The following ADK variants were observed in gnomAD, a reference collection of about 807,000 sequenced individuals.
ADK encodes adenosine kinase.
Under a neutral mutation model 44.7 loss-of-function variants are expected in ADK, and 24 were observed. That is an observed-to-expected ratio of 0.54 (90% CI 0.39 to 0.76). ADK has a LOEUF of 0.76. Among genes scored for constraint, ADK ranks in the 30% least tolerant of loss-of-function variants. ADK has a pLI of 0.00. For synonymous variants in ADK, 128 were observed against 142.6 expected (o/e 0.90, Z 0.73); for missense variants, 321 against 425.1 (o/e 0.76, Z 2.15).
chr10:74,552,296 T>C (rs1307532666), intron 7 of ADK, among the ~76,000 whole-genome samples: 1 of 151,996 alleles, frequency 6.6e-6, no homozygotes, highest in East Asian at 1.9e-4. Flanking sequence ...AAAAAAAAAA[T>C]GTTTTCATAA....
At chr10:74,635,653 A>T (rs1486200059) in intron 9 of ADK, among the ~76,000 whole-genome samples, 1 of 152,162 alleles carries the variant, frequency 6.6e-6, no homozygotes, top group African/African-American at 2.4e-5. Context: ...CTTGTTGGCT[A>T]CATTAAGGTA....
intron 4 of ADK, among the ~76,000 whole-genome samples, chr10:74,380,662 G>A (rs924966003): frequency 3.9e-5 from 6 of 152,068 alleles, no homozygotes; most frequent in Non-Finnish European, 8.8e-5. Context: ...GGAGGCTGAG[G>A]CAGGACAATC....
chr10:74,489,430 G>A (rs368382941), intron 6 of ADK, among the ~76,000 whole-genome samples: 11 of 152,040 alleles, frequency 7.2e-5, no homozygotes, highest in African/African-American at 2.6e-4. Context: ...ACAGCTCAAT[G>A]ACTTGAACAA....
chr10:74,605,935 A>G (rs775489652), intron 9 of ADK, among the ~76,000 whole-genome samples: 37 of 152,164 alleles, frequency 2.4e-4, no homozygotes, highest in Non-Finnish European at 8.8e-5. Context: ...TTATTGGTCT[A>G]TTTAGGGATT....
chr10:74,423,604 C>T, intron 6 of ADK: 1 of 297,028 alleles, frequency 3.4e-6, no homozygotes, highest in Non-Finnish European at 6.7e-6. Context: ...CCATAGTCAA[C>T]TGTCGTCGTC....
chr10:74,526,870 G>T (rs575686851), intron 7 of ADK, among the ~76,000 whole-genome samples: 2 of 152,316 alleles, frequency 1.3e-5, no homozygotes, highest in East Asian at 3.9e-4. Flanking sequence ...AAGGGTAAAA[G>T]AAGTAAATGG....
At chr10:74,665,396 A>G (rs4746216) in intron 9 of ADK, among the ~76,000 whole-genome samples, 35,418 of 151,908 alleles carry the variant, frequency 0.23, 5,278 homozygotes, top group East Asian at 0.69. Flanking sequence ...ATGCCTATTG[A>G]TGCTGGGTCA....
At chr10:74,670,979 A>G (rs1168407519) in intron 10 of ADK, among the ~76,000 whole-genome samples, 37 of 139,516 alleles carry the variant, frequency 2.7e-4, no homozygotes, top group Admixed American at 2.6e-3. Context: ...AGATACCCCA[A>G]AGGGGTCTTT....
At chr10:74,527,084 G>A (rs528439459) in intron 7 of ADK, among the ~76,000 whole-genome samples, 1 of 152,286 alleles carries the variant, frequency 6.6e-6, no homozygotes, top group East Asian at 1.9e-4. Context: ...CAAAGAGGCC[G>A]GGCACGGTGG....
intron 6 of ADK, among the ~76,000 whole-genome samples, chr10:74,482,534 C>T (rs570812954): frequency 5.9e-5 from 9 of 152,292 alleles, no homozygotes; most frequent in African/African-American, 2.2e-4. Context: ...AGAATCATCC[C>T]TTCCCAACAG....
chr10:74,628,319 C>A (rs551736424), intron 9 of ADK, among the ~76,000 whole-genome samples: 1 of 152,120 alleles, frequency 6.6e-6, no homozygotes, highest in African/African-American at 2.4e-5. Flanking sequence ...ATGCCAGTCA[C>A]GATTCTTGGA....
rs192201023 is a variant in ADK, at chr10:74,303,360, C to T, written c.195-11307C>T. On this transcript the variant is annotated intron_variant, in intron 3 of 10. Coordinates refer to ENST00000539909, the MANE Select transcript of ADK (RefSeq NM_006721.4). ...ATAGTTCCCCCATTTAAGAAAGAAA[C>T]CTGTTTCTATTCAATAGGATTAAAA... is the stretch of plus-strand genomic sequence containing the variant. Among the ~76,000 whole-genome samples the T allele has an allele frequency of 3.8e-3, 581 of 152,078 alleles. 1 individual carries two copies. Among genetic ancestry groups the T allele is most frequent in the African/African-American group, 0.013 (543 of 41,528 alleles).
chr10:74,670,879 A>G (rs984549263), intron 10 of ADK, among the ~76,000 whole-genome samples: 1 of 152,112 alleles, frequency 6.6e-6, no homozygotes, highest in African/African-American at 2.4e-5. Context: ...AATCTGATTC[A>G]AAAATTCTTT....
At chr10:74,504,856 T>A (rs1371208814) in intron 6 of ADK, among the ~76,000 whole-genome samples, 1 of 152,186 alleles carries the variant, frequency 6.6e-6, no homozygotes, top group East Asian at 1.9e-4. Context: ...TGATTGTGTT[T>A]CCTGAGGCCT....
Position 74,708,475 on chromosome 10 carries a change from T to C in ADK, c.*30T>C. ...AGAGCTGAAAACACAAGCCCAGGAG[T>C]GCAGACACTGCCCTAATTGCTTCCT... On this transcript the variant is annotated 3_prime_UTR_variant, in exon 11 of 11. Transcript: ENST00000539909. 1.2e-6 allele frequency: 2 copies of C among 1,605,282 alleles called. No homozygotes were observed. The highest frequency in any genetic ancestry group is 1.7e-6 in the Non-Finnish European group (2 of 1,177,214).
chr10:74,299,358 G>A (rs1248194951), intron 3 of ADK, among the ~76,000 whole-genome samples: 7 of 150,194 alleles, frequency 4.7e-5, no homozygotes, highest in South Asian at 2.1e-4. Context: ...AATTAGCAGC[G>A]TGTGGTGGCA....
chr10:74,700,644 A>G (rs919775625), intron 10 of ADK, among the ~76,000 whole-genome samples: 4 of 151,920 alleles, frequency 2.6e-5, no homozygotes, highest in Non-Finnish European at 5.9e-5. Flanking sequence ...GAAAAGAAAA[A>G]GAAAGAAAAG....
chr10:74,498,927 A>C (rs1847791011), intron 6 of ADK, among the ~76,000 whole-genome samples: 1 of 152,244 alleles, frequency 6.6e-6, no homozygotes, highest in Non-Finnish European at 1.5e-5. Context: ...TGAAGCTGGA[A>C]ACCATCATTC....
At chr10:74,397,649 C>A (rs1843564901) in intron 5 of ADK, among the ~76,000 whole-genome samples, 1 of 152,020 alleles carries the variant, frequency 6.6e-6, no homozygotes, top group Admixed American at 6.6e-5. Flanking sequence ...GCAATCCTCC[C>A]ACCTCAGCTT....
Sources: gnomAD v4.1 joint callset for allele counts (sites outside exome capture counted in the v4.1 genomes callset) on GRCh38, gnomAD v4.1.1 for gene constraint, MANE v1.5 for transcripts, NCBI Gene and HGNC (gene_info 2026-07-23, HGNC 2026-07-21) for gene names.